The following ERBB4 variants were observed in gnomAD, a reference collection of about 807,000 sequenced individuals.
The protein encoded by ERBB4 is erb-b2 receptor tyrosine kinase 4.
ERBB4 carries 42 observed loss-of-function variants against 158.0 expected under a neutral mutation model. The observed-to-expected ratio is 0.27, with a 90% CI of 0.21 to 0.34. The LOEUF (loss-of-function observed/expected upper bound fraction) is 0.34, where lower values mean the gene tolerates loss of function less well. ERBB4 is among the 10% of genes least tolerant of loss of function. The pLI is 1.00. For synonymous variants in ERBB4, 583 were observed against 558.7 expected, an observed-to-expected ratio of 1.04 and a Z score of -0.61; for missense variants, 1,333 against 1,624.1, an observed-to-expected ratio of 0.82 and a Z score of 3.08.
At chr2:211,625,655 C>A (rs1309315186) in intron 17 of ERBB4, among the ~76,000 whole-genome samples, 2 of 152,108 alleles carry the variant, frequency 1.3e-5, no homozygotes, top group Non-Finnish European at 2.9e-5. Context: ...AAAATGATTG[C>A]TCAACTGAGT....
intron 1 of ERBB4, among the ~76,000 whole-genome samples, chr2:212,391,759 CAT>C (rs1244722782): frequency 7.2e-6 from 1 of 139,284 alleles, no homozygotes; most frequent in Non-Finnish European, 1.5e-5. Flanking sequence ...ATAATATTGA[CAT>C]ATATTATATA....
intron 2 of ERBB4, among the ~76,000 whole-genome samples, chr2:211,952,927 C>T (rs1197382784): frequency 4.0e-5 from 6 of 151,878 alleles, no homozygotes; most frequent in African/African-American, 1.4e-4. Context: ...CTTTTAATCT[C>T]TCTGTTATGT....
intron 1 of ERBB4, among the ~76,000 whole-genome samples, chr2:212,210,993 T>C (rs1023243859): frequency 6.6e-6 from 1 of 152,126 alleles, no homozygotes; most frequent in African/African-American, 2.4e-5. Flanking sequence ...TTTTTCCTTA[T>C]GCACTCCTTG....
chr2:211,721,443 C>CA (rs71054136), intron 7 of ERBB4, among the ~76,000 whole-genome samples: 1,029 of 54,472 alleles, frequency 0.019, 72 homozygotes, highest in East Asian at 0.038. Flanking sequence ...TTACTCAAAG[C>CA]AAAAAAAAAA....
At chr2:212,023,796 G>A (rs577904493) in intron 2 of ERBB4, among the ~76,000 whole-genome samples, 3 of 151,910 alleles carry the variant, frequency 2.0e-5, no homozygotes, top group South Asian at 2.1e-4. Context: ...GTCTTTGAAC[G>A]GTAGTGATAC....
intron 20 of ERBB4, among the ~76,000 whole-genome samples, chr2:211,539,480 G>A (rs2066740876): frequency 6.6e-6 from 1 of 151,876 alleles, no homozygotes; most frequent in South Asian, 2.1e-4. Context: ...CCTTACCTAA[G>A]TATTCAAAAT....
intron 2 of ERBB4, among the ~76,000 whole-genome samples, chr2:212,030,889 G>A (rs906106936): frequency 1.3e-5 from 2 of 152,068 alleles, no homozygotes; most frequent in East Asian, 1.9e-4. Context: ...TGTAAATACA[G>A]TACTAAAAAG....
intron 2 of ERBB4, among the ~76,000 whole-genome samples, chr2:212,014,281 A>AT (rs2076457612): frequency 6.6e-6 from 1 of 152,186 alleles, no homozygotes; most frequent in Non-Finnish European, 1.5e-5. Flanking sequence ...AGTAGGTGAG[A>AT]TTTTTTAGGG....
At chr2:212,294,048 A>G (rs1026370323) in intron 1 of ERBB4, among the ~76,000 whole-genome samples, 7 of 151,942 alleles carry the variant, frequency 4.6e-5, no homozygotes, top group African/African-American at 1.7e-4. Flanking sequence ...CAACAGTATT[A>G]AATTTACCAA....
At chr2:211,493,578 C>CA (rs143725610) in intron 20 of ERBB4, among the ~76,000 whole-genome samples, 22,542 of 149,696 alleles carry the variant, frequency 0.15, 1,777 homozygotes, top group Middle Eastern at 0.27. Flanking sequence ...AAAACAAAAA[C>CA]AAAAAAAAAC....
Position 211,383,761 on chromosome 2 carries a change from C to T in ERBB4, c.3781G>A (p.Glu1261Lys), listed in dbSNP as rs1178525913. The T allele has an allele frequency of 1.9e-6, 3 of 1,613,946 alleles. No homozygotes were observed. Among genetic ancestry groups the T allele is most frequent in the Non-Finnish European group, 2.5e-6 (3 of 1,180,016 alleles). ...STLQHPDYLQ[E>K]YSTKYFYKQN... ...TTATAAAAATATTTTGTGCTGTACT[C>T]CTGCAGGTAGTCTGGGTGCTGAAGG... Residue 1261 changes from glutamate (E) to lysine (K), a missense_variant, in exon 28 of 28, where the codon GAG (glutamate) becomes AAG (lysine). By Grantham distance (56) the Glu-to-Lys change is moderately conservative. This residue lies in a region of ERBB4 where 84 missense variants were observed against 110.8 expected (regional missense o/e 0.76). Transcript: ENST00000342788.
chr2:212,476,862 C>T (rs1292032519), intron 1 of ERBB4, among the ~76,000 whole-genome samples: 4 of 152,016 alleles, frequency 2.6e-5, no homozygotes, highest in African/African-American at 4.8e-5. Flanking sequence ...TGCATCATCA[C>T]GAAGCAAAAC....
intron 20 of ERBB4, among the ~76,000 whole-genome samples, chr2:211,452,531 A>G (rs904807388): frequency 6.6e-6 from 1 of 152,112 alleles, no homozygotes; most frequent in Non-Finnish European, 1.5e-5. Context: ...CAAAATCACT[A>G]TGTATACTCT....
intron 3 of ERBB4, among the ~76,000 whole-genome samples, chr2:211,853,583 T>C (rs2077773253): frequency 6.6e-6 from 1 of 152,028 alleles, no homozygotes; most frequent in African/African-American, 2.4e-5. Context: ...CACTCTTGAG[T>C]GATATGGAGG....
At chr2:212,421,815 C>A (rs2091798632) in intron 1 of ERBB4, among the ~76,000 whole-genome samples, 1 of 152,056 alleles carries the variant, frequency 6.6e-6, no homozygotes, top group Non-Finnish European at 1.5e-5. Flanking sequence ...GTATTGGAGT[C>A]ATCTGTGTAA....
At chr2:212,480,000 T>G (rs1560441396) in intron 1 of ERBB4, among the ~76,000 whole-genome samples, 1 of 152,184 alleles carries the variant, frequency 6.6e-6, no homozygotes, top group Non-Finnish European at 1.5e-5. Flanking sequence ...CCTATACGTA[T>G]TTCTTCATAT....
At chr2:212,286,598 T>TTTTTTTTTTTGTTTG (rs2085975548) in intron 1 of ERBB4, among the ~76,000 whole-genome samples, 1 of 74,392 alleles carries the variant, frequency 1.3e-5, no homozygotes, top group African/African-American at 8.0e-5. Context: ...TGCTGACTTT[T>TTTTTTTTTTTGTTTG]TTTTTTTTTT....
intron 1 of ERBB4, among the ~76,000 whole-genome samples, chr2:212,263,142 A>G (rs2085005465): frequency 6.6e-6 from 1 of 152,164 alleles, no homozygotes; most frequent in Non-Finnish European, 1.5e-5. Flanking sequence ...TGTGTCTACA[A>G]GCCAAGGAAT....
chr2:211,727,330 A>G (rs572322550), intron 5 of ERBB4, among the ~76,000 whole-genome samples: 18 of 152,092 alleles, frequency 1.2e-4, no homozygotes, highest in African/African-American at 4.3e-4. Context: ...GCACTTATAC[A>G]TTTGTATTTT....
Sources: gnomAD v4.1 joint callset for allele counts (sites outside exome capture counted in the v4.1 genomes callset) on GRCh38, gnomAD v4.1.1 for gene constraint, gnomAD v4.1.1 regional missense constraint, MANE v1.5 for transcripts, NCBI Gene and HGNC (gene_info 2026-07-23, HGNC 2026-07-21) for gene names.